Variants in ITPKB observed in about 807,000 individuals in gnomAD.
The protein encoded by ITPKB is IP3 3-kinase B.
ITPKB carries 13 observed loss-of-function variants against 69.4 expected under a neutral mutation model. The observed-to-expected ratio is 0.19, with a 90% CI of 0.12 to 0.30. The LOEUF is 0.30. ITPKB is among the 10% of genes least tolerant of loss of function. The pLI, the probability that ITPKB is intolerant of heterozygous loss-of-function variation, is 1.00. For synonymous variants in ITPKB, 584 were observed against 513.7 expected, an observed-to-expected ratio of 1.14 and a Z score of -1.85; for missense variants, 1,240 against 1,250.5, an observed-to-expected ratio of 0.99 and a Z score of 0.13.
intron 2 of ITPKB, among the ~76,000 whole-genome samples, chr1:226,671,972 A>T (rs550416327): frequency 6.6e-6 from 1 of 152,124 alleles, no homozygotes; most frequent in African/African-American, 2.4e-5. Context: ...TTGAGTGAGG[A>T]GTGTCATAGT....
At chr1:226,696,089 A>C (rs1656477956) in intron 2 of ITPKB, among the ~76,000 whole-genome samples, 1 of 152,112 alleles carries the variant, frequency 6.6e-6, no homozygotes, top group African/African-American at 2.4e-5. Context: ...TTACCCACCC[A>C]TTAATGCCCC....
Position 226,648,786 on chromosome 1 carries a change from A to T in ITPKB, c.1933-15T>A. 1.3e-6 allele frequency: 2 copies of T among 1,525,160 alleles called. No individual in the cohort carries two copies. Among genetic ancestry groups the T allele is most frequent in the East Asian group, 4.5e-5 (2 of 44,478 alleles). The allele number at this position is 1,525,160 out of a possible 1,614,324, so 94.5% of individuals were successfully genotyped here. A position where few individuals can be genotyped will look rare whatever the true frequency, so the allele number is the denominator to read the frequency against. ...CATGATTTGCTCTAGAAACAAACAA[A>T]CAAAAAGCTCTACATTAGAAAGACA... On this transcript the variant is annotated splice_polypyrimidine_tract_variant and intron_variant, in intron 2 of 7. Transcript: ENST00000429204.
chr1:226,711,480 C>T (rs940188349), intron 2 of ITPKB, among the ~76,000 whole-genome samples: 2 of 150,768 alleles, frequency 1.3e-5, no homozygotes. Context: ...GTGTATGTTG[C>T]ACAATGGCAA....
intron 2 of ITPKB, among the ~76,000 whole-genome samples, chr1:226,694,075 T>C (rs1656421277): frequency 6.6e-6 from 1 of 152,236 alleles, no homozygotes; most frequent in South Asian, 2.1e-4. Flanking sequence ...CTGGATTACC[T>C]AACAAGTGAT....
chr1:226,647,244 C>T lies in ITPKB; in HGVS notation c.2169G>A (p.Gly723=), dbSNP rs367864146. The change falls in exon 4 of 8, where the codon GGG becomes GGA. Residue 723 remains glycine (G), a synonymous_variant. Coordinates refer to ENST00000429204, the MANE Select transcript of ITPKB (RefSeq NM_002221.4). ...GGTCGTCCATCTGGTTGTAGCGCTC[C>T]CCGTCCTTCACCACATCCCCATGGT... ...PAYHGDVVKD[G]ERYNQMDDLL... 1 of 1,614,222 alleles carries T rather than the reference C, an allele frequency of 6.2e-7. No individual in the cohort carries two copies. Among genetic ancestry groups the T allele is most frequent in the Non-Finnish European group, 8.5e-7 (1 of 1,180,038 alleles).
At chr1:226,733,300 G>C (rs1217846691) in intron 2 of ITPKB, among the ~76,000 whole-genome samples, 2 of 152,154 alleles carry the variant, frequency 1.3e-5, no homozygotes, top group Non-Finnish European at 2.9e-5. Context: ...ACCTCAGACA[G>C]AGCTGGTGGG....
At chr1:226,670,866 T>C (rs548186827) in intron 2 of ITPKB, among the ~76,000 whole-genome samples, 1 of 152,356 alleles carries the variant, frequency 6.6e-6, no homozygotes, top group South Asian at 2.1e-4. Context: ...GTTTCATCAT[T>C]ATGATCGTAG....
rs369192220 is a variant in ITPKB, at chr1:226,634,901, G to T, written c.2626-15C>A. 1.2e-5 allele frequency: 19 copies of T among 1,598,984 alleles called. No homozygotes were observed. In the South Asian group the frequency reaches 1.8e-4, roughly 15 times the overall value. ...CTGCCAATGACCTGAGGAGAACATG[G>T]GGGTGAAGGGTGAGCTGAAGCCCGG... On this transcript the variant is annotated splice_polypyrimidine_tract_variant and intron_variant, in intron 7 of 7. Transcript: ENST00000429204. The surrounding 1 kb of genome is among the most constrained non-coding windows in gnomAD (Gnocchi z 6.3).
chr1:226,668,255 C>T (rs972858389), intron 2 of ITPKB, among the ~76,000 whole-genome samples: 1 of 152,204 alleles, frequency 6.6e-6, no homozygotes, highest in African/African-American at 2.4e-5. Context: ...ACATTACATT[C>T]TCTATGGAAG....
intron 2 of ITPKB, among the ~76,000 whole-genome samples, chr1:226,711,450 T>A (rs932673029): frequency 2.1e-3 from 307 of 147,600 alleles, no homozygotes; most frequent in East Asian, 8.3e-3. Context: ...AGAGTGTGTG[T>A]GTGTGTGTGT....
intron 2 of ITPKB, among the ~76,000 whole-genome samples, chr1:226,665,228 G>A (rs1027868546): frequency 1.3e-5 from 2 of 152,152 alleles, no homozygotes. Flanking sequence ...ACTGGGTCCC[G>A]CTGACACAGG....
At position 226,721,263 on chromosome 1, in the gene ITPKB, G is replaced by A. The variant is rs835669; in HGVS notation, c.1932+14264C>T. 8.2e-5 allele frequency among the ~76,000 whole-genome samples: 12 copies of A among 146,648 alleles called. No individual in the cohort carries two copies. In the South Asian group the frequency reaches 2.2e-3, roughly 26 times the overall value. ...CTCAGGAGGCTGAGGCAGGAGAATC[G>A]CTTGAACCCAGGAGGCGGAGGTTGC... is the stretch of plus-strand genomic sequence containing the variant. On this transcript the variant is annotated intron_variant, in intron 2 of 7. Coordinates refer to ENST00000429204, the MANE Select transcript of ITPKB (RefSeq NM_002221.4).
intron 2 of ITPKB, among the ~76,000 whole-genome samples, chr1:226,727,356 G>GA (rs1260627165): frequency 6.6e-6 from 1 of 152,070 alleles, no homozygotes; most frequent in Admixed American, 6.6e-5. Context: ...AGTGAAATTG[G>GA]AAAAAACACT....
At chr1:226,713,060 A>C (rs1657010063) in intron 2 of ITPKB, among the ~76,000 whole-genome samples, 1 of 152,036 alleles carries the variant, frequency 6.6e-6, no homozygotes, top group Non-Finnish European at 1.5e-5. Context: ...ACACACATGC[A>C]TGCACACACA....
chr1:226,713,187 G>C (rs1316951258), intron 2 of ITPKB, among the ~76,000 whole-genome samples: 1 of 152,064 alleles, frequency 6.6e-6, no homozygotes, highest in Non-Finnish European at 1.5e-5. Context: ...CTGGCTATTC[G>C]ACCTCTTCGC....
intron 2 of ITPKB, among the ~76,000 whole-genome samples, chr1:226,705,824 G>T (rs913636382): frequency 2.6e-5 from 4 of 152,196 alleles, no homozygotes; most frequent in Non-Finnish European, 1.5e-5. Context: ...CATTTCTTAG[G>T]ACTCCCTGTC....
chr1:226,633,020 G>A lies in ITPKB; in HGVS notation c.*1651C>T, dbSNP rs1668756565. The A allele has an allele frequency of 6.6e-6, 1 of 152,166 alleles. No homozygotes were observed. Among genetic ancestry groups the A allele is most frequent in the Non-Finnish European group, 1.5e-5 (1 of 68,038 alleles). The allele number at this position is 152,166 out of a possible 1,614,324, so 9.4% of individuals were successfully genotyped here. The stretch of plus-strand genomic sequence containing the variant: ...CACGAGGTCTCTCGTGCTCCACCGG[G>A]CGCGTGTGTGACCTTTAGCAAGTCG... On this transcript the variant is annotated 3_prime_UTR_variant, in exon 8 of 8. Coordinates refer to ENST00000429204, the MANE Select transcript of ITPKB (RefSeq NM_002221.4).
chr1:226,690,671 A>C (rs1656328216), intron 2 of ITPKB, among the ~76,000 whole-genome samples: 2 of 152,216 alleles, frequency 1.3e-5, no homozygotes, highest in South Asian at 4.1e-4. Flanking sequence ...ACAGACACTC[A>C]GACACAGTCG....
chr1:226,735,858 C>G lies in ITPKB; in HGVS notation c.1601G>C (p.Ser534Thr), dbSNP rs778433758. The G allele has an allele frequency of 6.2e-7, 1 of 1,606,678 alleles. No individual in the cohort carries two copies. Among genetic ancestry groups the G allele is most frequent in the Non-Finnish European group, 8.5e-7 (1 of 1,174,090 alleles). Residue 534 changes from serine to threonine, a missense_variant, in exon 2 of 8, where the codon AGC becomes ACC. Physicochemically the swap from Ser to Thr is moderately conservative, Grantham distance 58. Coordinates refer to ENST00000429204, the MANE Select transcript of ITPKB (RefSeq NM_002221.4). ...TGVQSEGTWE[S>T]QRQDSDALPS... ...GAGGGCATCACTGTCCTGCCGCTGG[C>G]TTTCCCAAGTCCCCTCTGATTGCAC... is the stretch of plus-strand genomic sequence containing the variant.
Sources: gnomAD v4.1 joint callset for allele counts (sites outside exome capture counted in the v4.1 genomes callset) on GRCh38, gnomAD v4.1.1 for gene constraint, Gnocchi (gnomAD v3.1) non-coding constraint, MANE v1.5 for transcripts, NCBI Gene and HGNC (gene_info 2026-07-23, HGNC 2026-07-21) for gene names.